Variants in TUSC3 observed in about 807,000 individuals in gnomAD.
TUSC3 encodes tumor suppressor candidate 3, also known as dolichyl-diphosphooligosaccharide--protein glycosyltransferase subunit TUSC3.
In TUSC3, 45 loss-of-function variants were observed where a neutral mutation model predicts 44.8. The ratio of observed to expected loss-of-function variants is 1.00; its 90% CI spans 0.79 to 1.29. TUSC3 has a LOEUF of 1.29. TUSC3 is among the 50% of genes most tolerant of loss of function. The pLI is 0.00. For synonymous variants in TUSC3, 212 were observed against 152.9 expected (o/e 1.39, Z -2.85); for missense variants, 519 against 437.9 (o/e 1.19, Z -1.65).
At chr8:15,477,846 C>T (rs974559331) in intron 1 of TUSC3, among the ~76,000 whole-genome samples, 1 of 152,132 alleles carries the variant, frequency 6.6e-6, no homozygotes, top group African/African-American at 2.4e-5. Flanking sequence ...TGCTTTCCTG[C>T]TGTTTTTTTC....
the TUSC3 span, among the ~76,000 whole-genome samples, chr8:15,844,426 G>T: frequency 6.6e-6 from 1 of 152,094 alleles, no homozygotes; most frequent in African/African-American, 2.4e-5. Context: ...CAAATAATAT[G>T]TGGCCTAATA....
intron 1 of TUSC3, among the ~76,000 whole-genome samples, chr8:15,465,252 A>G (rs563867375): frequency 5.3e-5 from 8 of 152,246 alleles, no homozygotes; most frequent in Admixed American, 1.3e-4. Context: ...AATGCCCAAC[A>G]TGGGACACAA....
the TUSC3 span, among the ~76,000 whole-genome samples, chr8:15,790,116 G>A: frequency 2.1e-4 from 32 of 151,652 alleles, no homozygotes; most frequent in East Asian, 6.0e-3. Context: ...CTAGAAAAGG[G>A]GTAGTAACGT....
rs577185799 is a variant in TUSC3 at position 15,458,951 on chromosome 8, A to C, written n.92-24435A>C. On this transcript the variant is annotated intron_variant and non_coding_transcript_variant, in intron 1 of 5. Transcript: ENST00000503191. ...TAGTTCCCTAAGACCAAGAAGACTAAAAGAGGTTTAAGTTAATCTTTTCAC... is the reference window on the plus strand; with the variant it reads ...TAGTTCCCTAAGACCAAGAAGACTACAAGAGGTTTAAGTTAATCTTTTCAC... Among the ~76,000 whole-genome samples the C allele has an allele frequency of 1.2e-4, 18 of 152,338 alleles. 1 individual carries two copies. The South Asian group carries it at 3.7e-3, about 32-fold the overall frequency.
At chr8:15,429,433 G>C (rs922631768) in intron 1 of TUSC3, among the ~76,000 whole-genome samples, 4 of 149,950 alleles carry the variant, frequency 2.7e-5, no homozygotes, top group Admixed American at 6.6e-5. Flanking sequence ...TTTTGGCTTA[G>C]GATTGACTTG....
At chr8:15,623,304 AT>A (rs1379709240) in intron 2 of TUSC3, 55 bp downstream of exon 2, 26 of 1,454,846 alleles carry the variant, frequency 1.8e-5, no homozygotes, top group Middle Eastern at 2.4e-4. Context: ...TTACATATAT[AT>A]TTTTATGTTC....
chr8:15,772,088 CAAAAAGAAA>C, the TUSC3 span, among the ~76,000 whole-genome samples: 1 of 149,934 alleles, frequency 6.7e-6, no homozygotes, highest in Non-Finnish European at 1.5e-5. Flanking sequence ...GACTCCGTCT[CAAAAAGAAA>C]AAAAAGAAAA....
chr8:15,689,585 A>G (rs1220869971), intron 6 of TUSC3: 4 of 158,586 alleles, frequency 2.5e-5, no homozygotes, highest in African/African-American at 9.6e-5. Flanking sequence ...CGACACAGAC[A>G]CCAACCCACC....
At chr8:15,590,969 C>T (rs1344269686) in intron 1 of TUSC3, among the ~76,000 whole-genome samples, 3 of 152,106 alleles carry the variant, frequency 2.0e-5, no homozygotes, top group African/African-American at 7.2e-5. Flanking sequence ...GCACTGCAAC[C>T]AGCCTATAAT....
In TUSC3 at chr8:15,479,146, T is replaced by C. The variant is rs186589912; in HGVS notation, n.92-4240T>C. 2.9e-3 allele frequency among the ~76,000 whole-genome samples: 443 copies of C among 152,270 alleles called. 1 individual carries two copies. Among genetic ancestry groups the C allele is most frequent in the African/African-American group, 0.01 (435 of 41,560 alleles). On this transcript the variant is annotated intron_variant and non_coding_transcript_variant, in intron 1 of 5. Transcript: ENST00000503191. ...ATGGGGTTGTTTGATTTTTTTCTTG[T>C]ATATTTGTTTAAGTTCTTTGTAGAT...
At chr8:15,757,700 T>TAAATCTTGTAATAA in intron 9 of TUSC3, 91 bp from the exon 10 acceptor site, 2 of 1,446,168 alleles carry the variant, frequency 1.4e-6, no homozygotes, top group Non-Finnish European at 1.9e-6. Context: ...AATGTAGTGC[T>TAAATCTTGTAATAA]AAATCTTGTA....
At chr8:15,592,368 C>T (rs1585133322) in intron 1 of TUSC3, among the ~76,000 whole-genome samples, 1 of 152,096 alleles carries the variant, frequency 6.6e-6, no homozygotes, top group East Asian at 1.9e-4. Flanking sequence ...TTGTCCGCTC[C>T]AAATCTCATG....
intron 6 of TUSC3, among the ~76,000 whole-genome samples, chr8:15,688,383 C>A (rs1348335760): frequency 6.6e-6 from 1 of 150,630 alleles, no homozygotes; most frequent in Non-Finnish European, 1.5e-5. Flanking sequence ...GTAAGTTTTT[C>A]GTAACCTTAC....
chr8:15,848,732 GAA>G, the TUSC3 span, among the ~76,000 whole-genome samples: 11 of 152,268 alleles, frequency 7.2e-5, no homozygotes, highest in Middle Eastern at 3.4e-3. Flanking sequence ...CTGGAGTCCA[GAA>G]TCTTCAACTT....
At chr8:15,617,134 A>T (rs71500722) in intron 1 of TUSC3, among the ~76,000 whole-genome samples, 2,121 of 107,902 alleles carry the variant, frequency 0.02, 36 homozygotes, top group Middle Eastern at 0.046. Flanking sequence ...GTGTGTGTGT[A>T]TATATTTTTT....
chr8:15,637,552 G>C (rs1223048625), intron 2 of TUSC3, among the ~76,000 whole-genome samples: 1 of 151,802 alleles, frequency 6.6e-6, no homozygotes, highest in Non-Finnish European at 1.5e-5. Context: ...TCATGATTTT[G>C]TTTTTAGGGA....
the TUSC3 span, among the ~76,000 whole-genome samples, chr8:15,838,585 T>G: frequency 6.6e-6 from 1 of 152,130 alleles, no homozygotes; most frequent in Non-Finnish European, 1.5e-5. Context: ...AGCTAGCCAG[T>G]TTTCGCAGCA....
chr8:15,717,953 TATATACTATGTTTCCTTTTGAGCCA>T (rs1305991794), intron 6 of TUSC3, among the ~76,000 whole-genome samples: 9 of 152,140 alleles, frequency 5.9e-5, no homozygotes, highest in Admixed American at 5.3e-4. Context: ...TTTTTAAGTA[TATATACTATGTTTCCTTTTGAGCCA>T]AGACACTATG....
At position 15,650,742 on chromosome 8, in the gene TUSC3, T is replaced by C; in HGVS notation, c.354T>C (p.Tyr118=). The change falls in exon 3 of 11, where the codon TAT becomes TAC. Residue 118 remains tyrosine, a synonymous_variant. Coordinates refer to ENST00000503731, the MANE Select transcript of TUSC3 (RefSeq NM_006765.4). ...EYQILANSWR[Y]SSAFCNKLFF... is the part of the protein sequence containing the mutation. ...AAATACTGGCGAACTCCTGGCGCTA[T>C]TCATCTGCTTTTTGTAACAAGCTCT... 2 of 1,614,176 alleles carry C rather than the reference T, an allele frequency of 1.2e-6. No homozygotes were observed. Among genetic ancestry groups the C allele is most frequent in the Non-Finnish European group, 1.7e-6 (2 of 1,180,024 alleles).
Sources: allele counts gnomAD v4.1 joint callset (sites outside exome capture counted in the v4.1 genomes callset), GRCh38; gene constraint gnomAD v4.1.1; transcripts MANE v1.5; gene names NCBI Gene and HGNC (gene_info 2026-07-23, HGNC 2026-07-21).